Variants in TDRD9 observed in about 807,000 individuals in gnomAD.
TDRD9 encodes the protein ATP-dependent RNA helicase TDRD9.
TDRD9 carries 124 observed loss-of-function variants against 172.6 expected under a neutral mutation model. The ratio of observed to expected loss-of-function variants is 0.72; its 90% confidence interval spans 0.62 to 0.83. TDRD9 has a LOEUF of 0.83. TDRD9 is among the 40% of genes least tolerant of loss of function. The pLI is 0.00. For synonymous variants in TDRD9, 619 were observed against 617.1 expected (o/e 1.00, Z -0.05); for missense variants, 1,479 against 1,714.1 (o/e 0.86, Z 2.42).
chr14:104,027,814 A>G (rs1047766680), intron 28 of TDRD9, among the ~76,000 whole-genome samples: 2 of 152,296 alleles, frequency 1.3e-5, no homozygotes, highest in Admixed American at 1.3e-4. Flanking sequence ...ATCTAGCTGT[A>G]ATTTTGTTTG....
chr14:103,972,039 C>T (rs1566750088), intron 6 of TDRD9, among the ~76,000 whole-genome samples: 1 of 151,970 alleles, frequency 6.6e-6, no homozygotes, highest in Admixed American at 6.5e-5. Context: ...TGTCTGTGGT[C>T]CCAGCTACTT....
intron 35 of TDRD9, 78 bp downstream of exon 35, chr14:104,049,758 G>C (rs1225676799): frequency 2.3e-6 from 3 of 1,293,008 alleles, no homozygotes; most frequent in Admixed American, 2.2e-5. Flanking sequence ...CCAGGGTTCA[G>C]AGCCAGGGCT....
At chr14:103,988,492 C>T (rs1319359054) in intron 8 of TDRD9, among the ~76,000 whole-genome samples, 1 of 152,068 alleles carries the variant, frequency 6.6e-6, no homozygotes. Context: ...ATTAGTCTAA[C>T]AATCTCTGCC....
intron 13 of TDRD9, among the ~76,000 whole-genome samples, chr14:103,999,830 A>C (rs549286848): frequency 2.6e-5 from 4 of 152,314 alleles, no homozygotes; most frequent in Non-Finnish European, 5.9e-5. Context: ...GTGTTAATTA[A>C]GATTTCCCAT....
chr14:103,949,765 C>T (rs1318459226), intron 1 of TDRD9, among the ~76,000 whole-genome samples: 4 of 152,118 alleles, frequency 2.6e-5, no homozygotes, highest in East Asian at 1.9e-4. Flanking sequence ...CTGCAACATC[C>T]GCCTCCCAGG....
At chr14:104,037,330 C>T (rs1234896070) in intron 32 of TDRD9, among the ~76,000 whole-genome samples, 4 of 152,164 alleles carry the variant, frequency 2.6e-5, no homozygotes, top group African/African-American at 4.8e-5. Flanking sequence ...AATGCGCACC[C>T]GCATGGGACT....
At chr14:103,993,670 A>G (rs2033955587) in intron 9 of TDRD9, among the ~76,000 whole-genome samples, 3 of 152,164 alleles carry the variant, frequency 2.0e-5, no homozygotes, top group Non-Finnish European at 2.9e-5. Flanking sequence ...GTCACATGGC[A>G]TTCTCTGTTT....
intron 7 of TDRD9, among the ~76,000 whole-genome samples, chr14:103,982,177 A>G (rs2033497970): frequency 1.3e-5 from 2 of 152,124 alleles, no homozygotes; most frequent in Admixed American, 1.3e-4. Context: ...CATTGTCACC[A>G]TTAGTGTCTC....
chr14:104,010,685 C>T (rs574350045), intron 20 of TDRD9, among the ~76,000 whole-genome samples: 52 of 150,172 alleles, frequency 3.5e-4, no homozygotes, highest in South Asian at 8.4e-4. Context: ...AAGCCAGTAA[C>T]ATAGTTACTA....
intron 13 of TDRD9, among the ~76,000 whole-genome samples, chr14:104,000,978 C>T (rs1431320386): frequency 2.0e-5 from 3 of 152,040 alleles, no homozygotes; most frequent in Non-Finnish European, 4.4e-5. Context: ...ACATAGAATC[C>T]TTTGAATCCT....
chr14:103,988,192 A>T (rs116347687), intron 8 of TDRD9, among the ~76,000 whole-genome samples: 2 of 135,782 alleles, frequency 1.5e-5, no homozygotes, highest in African/African-American at 2.7e-5. Flanking sequence ...TTTTTTTTTT[A>T]AAGATTGAGT....
chr14:104,008,586 C>T, intron 20 of TDRD9, 120 bp downstream of exon 20: 1 of 664,356 alleles, frequency 1.5e-6, no homozygotes, highest in Non-Finnish European at 2.6e-6. Flanking sequence ...AAGTGTATTT[C>T]CTGCCTGTTT....
intron 20 of TDRD9, among the ~76,000 whole-genome samples, chr14:104,011,692 T>C (rs1748238934): frequency 6.6e-6 from 1 of 152,190 alleles, no homozygotes. Flanking sequence ...GTAATTTTCT[T>C]AATTTCAAAT....
At chr14:103,949,848 C>T (rs2031767855) in intron 1 of TDRD9, among the ~76,000 whole-genome samples, 1 of 150,994 alleles carries the variant, frequency 6.6e-6, no homozygotes, top group Non-Finnish European at 1.5e-5. Flanking sequence ...CTGCACCTGG[C>T]TAATTTTTGT....
intron 1 of TDRD9, among the ~76,000 whole-genome samples, chr14:103,950,055 T>C (rs2031783481): frequency 6.6e-6 from 1 of 150,672 alleles, no homozygotes; most frequent in South Asian, 2.1e-4. Flanking sequence ...CTTTTTTTTT[T>C]TCTTTTGATG....
intron 28 of TDRD9, among the ~76,000 whole-genome samples, chr14:104,027,349 A>G (rs1366551308): frequency 1.3e-5 from 2 of 152,046 alleles, no homozygotes. Flanking sequence ...CCAGCCTCCT[A>G]TTCAGCTTTT....
At chr14:104,035,134 C>T in intron 32 of TDRD9, 78 bp downstream of exon 32, 2 of 1,170,784 alleles carry the variant, frequency 1.7e-6, no homozygotes, top group Non-Finnish European at 2.4e-6. Flanking sequence ...CTCCTTGCTC[C>T]TTTTGGAAAG....
chr14:104,033,352 A>C (rs889947731), intron 30 of TDRD9, among the ~76,000 whole-genome samples: 1 of 152,172 alleles, frequency 6.6e-6, no homozygotes, highest in African/African-American at 2.4e-5. Context: ...AAAGATCCTC[A>C]GGCAGTATTG....
intron 1 of TDRD9, among the ~76,000 whole-genome samples, chr14:103,930,022 G>C (rs2030268840): frequency 6.6e-6 from 1 of 152,166 alleles, no homozygotes; most frequent in Non-Finnish European, 1.5e-5. Context: ...TCTGTTTTTA[G>C]AGGAAAGACG....
Sources: allele counts gnomAD v4.1 joint callset (sites outside exome capture counted in the v4.1 genomes callset), GRCh38; gene constraint gnomAD v4.1.1; transcripts MANE v1.5; gene names NCBI Gene and HGNC (gene_info 2026-07-23, HGNC 2026-07-21).